Variants in ABCB9 observed in about 807,000 individuals in gnomAD.
ABCB9 encodes the protein ATP binding cassette subfamily B member 9.
In ABCB9, 36 loss-of-function variants were observed where a neutral mutation model predicts 62.0. The observed-to-expected ratio is 0.58, with a 90% CI of 0.45 to 0.77. ABCB9 has a LOEUF of 0.77. ABCB9 is among the 30% of genes least tolerant of loss of function. ABCB9 has a pLI of 0.00. For synonymous variants in ABCB9, 435 were observed against 461.4 expected, an observed-to-expected ratio of 0.94 and a Z score of 0.73; for missense variants, 943 against 1,054.7, an observed-to-expected ratio of 0.89 and a Z score of 1.47.
intron 1 of ABCB9, chr12:122,973,051 G>A (rs2037298319): frequency 6.6e-6 from 1 of 152,182 alleles, no homozygotes; most frequent in African/African-American, 2.4e-5. Context: ...ACCTTAAGCA[G>A]TCAACAAAGA....
chr12:122,960,996 C>T (rs1022540553), intron 1 of ABCB9, among the ~76,000 whole-genome samples: 4 of 151,506 alleles, frequency 2.6e-5, no homozygotes, highest in Admixed American at 6.6e-5. Context: ...CCTGGGAGTT[C>T]GAGGCCACAG....
At chr12:122,931,942 C>G in intron 11 of ABCB9, 1 of 624,410 alleles carries the variant, frequency 1.6e-6, no homozygotes, top group South Asian at 2.0e-5. Flanking sequence ...CCACTCATGA[C>G]CCAGGTCTCC....
In ABCB9 at chr12:122,948,768, G is replaced by A. The variant is rs757936005; in HGVS notation, c.909C>T (p.Asn303=). The stretch of plus-strand genomic sequence containing the variant: ...CTGTGTTCCGCAGGAAGACATTGAT[G>A]TTCTGGGAGACCAGGTCGCTGACCA... ...TTMVSDLVSQ[N]INVFLRNTVK... The change falls in exon 5 of 12, where the codon AAC becomes AAT. Residue 303 remains asparagine, a synonymous_variant. Transcript: ENST00000280560. 1.6e-5 allele frequency: 25 copies of A among 1,610,376 alleles called. No individual in the cohort carries two copies. The South Asian group carries it at 2.8e-4, about 18-fold the overall frequency.
At position 122,932,094 on chromosome 12, in the gene ABCB9, G is replaced by A. The variant is rs775413079; in HGVS notation, c.2040+98C>T. ...GGCTGATAGTCTGGGAGAGCTCCTG[G>A]GGCCCGTCTCTTCTCAGCATCCATC... is the stretch of plus-strand genomic sequence containing the variant. On this transcript the variant is annotated intron_variant, in intron 11 of 11. Transcript: ENST00000280560. The surrounding 1 kb of genome is among the most constrained non-coding windows in gnomAD (Gnocchi z 4.7). The A allele has an allele frequency of 6.5e-7, 1 of 1,540,662 alleles. No homozygotes were observed. Among genetic ancestry groups the A allele is most frequent in the South Asian group, 1.2e-5 (1 of 83,784 alleles).
At chr12:122,963,381 T>C (rs4275659) in intron 1 of ABCB9, among the ~76,000 whole-genome samples, 82,956 of 152,062 alleles carry the variant, frequency 0.55, 27,134 homozygotes, top group Non-Finnish European at 0.71. Context: ...CTGAGGCTAA[T>C]TGCTGGCAAT....
chr12:122,960,270 A>G lies in ABCB9; in HGVS notation c.-35T>C, dbSNP rs1344436369. 1.3e-6 allele frequency: 2 copies of G among 1,593,582 alleles called. No individual in the cohort carries two copies. Among genetic ancestry groups the G allele is most frequent in the African/African-American group, 1.3e-5 (1 of 74,698 alleles). On this transcript the variant is annotated 5_prime_UTR_variant, in exon 2 of 12. Transcript: ENST00000280560. Reference sequence around the variant, plus strand: ...TGGAGGTGGGCGGGTGCTGAAGGCCAGGTTGTAGCTCACGGGGGCAAGGCC... The same window carrying G: ...TGGAGGTGGGCGGGTGCTGAAGGCCGGGTTGTAGCTCACGGGGGCAAGGCC...
intron 1 of ABCB9, among the ~76,000 whole-genome samples, chr12:122,972,140 G>C (rs1424855607): frequency 1.4e-5 from 2 of 143,754 alleles, no homozygotes; most frequent in East Asian, 4.3e-4. Flanking sequence ...CGCTTCCCAG[G>C]TTTACGCCAT....
chr12:122,928,489 A>G (rs1225700630), downstream of ABCB9, among the ~76,000 whole-genome samples: 3 of 151,638 alleles, frequency 2.0e-5, no homozygotes, highest in Admixed American at 2.0e-4. Flanking sequence ...AAAAAAATTG[A>G]AATACTACTC....
chr12:122,940,962 C>T lies in ABCB9; in HGVS notation c.1414G>A (p.Gly472Arg), dbSNP rs767762112. ...AACACCTTCTCAGCAGCCCCCACTC[C>T]CTGCATCAGGCCACTGTAGACGGAG... Reference protein sequence around the residue: ...VGSVYSGLMQGVGAAEKVFEF... With the variant: ...VGSVYSGLMQRVGAAEKVFEF... The change falls in exon 8 of 12, where the codon GGA becomes AGA. Residue 472 changes from glycine (G) to arginine (R), a missense_variant. By Grantham distance (125) the Gly-to-Arg change is moderately radical. Coordinates refer to ENST00000280560, the MANE Select transcript of ABCB9 (RefSeq NM_019625.4). The surrounding 1 kb of genome is among the most constrained non-coding windows in gnomAD (Gnocchi z 4.8). 1.9e-6 allele frequency: 3 copies of T among 1,612,148 alleles called. No individual in the cohort carries two copies. The Admixed American group carries it at 5.0e-5, about 27-fold the overall frequency.
intron 1 of ABCB9, among the ~76,000 whole-genome samples, chr12:122,965,113 T>A (rs1470783930): frequency 6.6e-6 from 1 of 152,144 alleles, no homozygotes; most frequent in Admixed American, 6.5e-5. Flanking sequence ...CCCACTTCCC[T>A]GGGAGGACCC....
chr12:122,952,171 G>A (rs965619639), intron 2 of ABCB9: 1 of 152,456 alleles, frequency 6.6e-6, no homozygotes, highest in Non-Finnish European at 1.5e-5. Context: ...AGAACAGTAC[G>A]AAATCAGTTT....
In ABCB9 at chr12:122,946,144, C is replaced by T. The variant is rs1032696089; in HGVS notation, c.1132G>A (p.Val378Ile). The T allele has an allele frequency of 1.2e-6, 2 of 1,614,062 alleles. No homozygotes were observed. Among genetic ancestry groups the T allele is most frequent in the African/African-American group, 1.3e-5 (1 of 74,918 alleles). ...AEETISAMKT[V>I]RSFANEEEEA... ...TCCTCCTCATTGGCGAAGCTCCGGA[C>T]AGTCTTCATGGCACTGATGGTCTCC... Residue 378 changes from valine (V) to isoleucine (I), a missense_variant, in exon 6 of 12, where the codon GTC (valine) becomes ATC (isoleucine). By Grantham distance (29) the Val-to-Ile change is conservative. Coordinates refer to ENST00000280560, the MANE Select transcript of ABCB9 (RefSeq NM_019625.4).
downstream of ABCB9, among the ~76,000 whole-genome samples, chr12:122,920,074 T>C (rs1488929263): frequency 2.0e-5 from 3 of 151,908 alleles, no homozygotes; most frequent in Non-Finnish European, 4.4e-5. Context: ...AGAGATGAGT[T>C]TTCACCATGT....
At position 122,932,121 on chromosome 12, in the gene ABCB9, G is replaced by A. The variant is rs117929381; in HGVS notation, c.2040+71C>T. ...GCCCGTCTCTTCTCAGCATCCATCTGCTGGGCGATGGGGGCTCTGGCCACC... is the reference window on the plus strand; with the variant it reads ...GCCCGTCTCTTCTCAGCATCCATCTACTGGGCGATGGGGGCTCTGGCCACC... On this transcript the variant is annotated intron_variant, in intron 11 of 11. Coordinates refer to ENST00000280560, the MANE Select transcript of ABCB9 (RefSeq NM_019625.4). The surrounding 1 kb of genome is among the most constrained non-coding windows in gnomAD (Gnocchi z 4.7). The A allele has an allele frequency of 9.2e-3, 14,308 of 1,547,840 alleles. 86 individuals are homozygous for A. The highest frequency in any genetic ancestry group is 0.011 in the Non-Finnish European group (12,566 of 1,145,844).
At position 122,940,628 on chromosome 12, in the gene ABCB9, T is replaced by C. The variant is rs1771482593; in HGVS notation, c.1569+179A>G. Among the ~76,000 whole-genome samples, 2 of 152,134 alleles carry C rather than the reference T, an allele frequency of 1.3e-5. No homozygotes were observed. Among genetic ancestry groups the C allele is most frequent in the Admixed American group, 1.3e-4 (2 of 15,270 alleles). ...GATCTATTTTCTTTCTAGCACTTAT[T>C]ATCGGGAATCATTCTGTTAAGTATC... On this transcript the variant is annotated intron_variant, in intron 8 of 11. Transcript: ENST00000280560. This position sits in a 1 kb window ranked among gnomAD's most constrained non-coding sequence, Gnocchi z 4.8.
chr12:122,940,165 C>G lies in ABCB9; in HGVS notation c.1689G>C (p.Val563=). The G allele has an allele frequency of 6.2e-7, 1 of 1,613,542 alleles. No homozygotes were observed. Among genetic ancestry groups the G allele is most frequent in the East Asian group, 2.2e-5 (1 of 44,876 alleles). ...ENFYPLEGGR[V]LLDGKPISAY... ...CGCTGATGGGCTTGCCGTCCAGCAG[C>G]ACCCGGCCCCCCTCCAGGGGGTAGA... is the stretch of plus-strand genomic sequence containing the variant. Residue 563 remains valine (V), a synonymous_variant, in exon 9 of 12, where the codon GTG becomes GTC. Coordinates refer to ENST00000280560, the MANE Select transcript of ABCB9 (RefSeq NM_019625.4). This position sits in a 1 kb window ranked among gnomAD's most constrained non-coding sequence, Gnocchi z 4.8.
chr12:122,950,364 CCT>C lies in ABCB9; in HGVS notation c.716+85_716+86del, dbSNP rs779244785. ...GGGCATTTCCAGGGCCTCCCTGGCC[CCT>C]GTCTTCCTTAGGAACAGGCCCTCCC... On this transcript the variant is annotated intron_variant, in intron 3 of 11. Transcript: ENST00000280560. 2.4e-5 allele frequency: 31 copies of C among 1,307,770 alleles called. 1 individual carries two copies. The highest frequency in any genetic ancestry group is 2.0e-4 in the Admixed American group (9 of 45,328). 81.0% of individuals were successfully genotyped at this position (1,307,770 alleles called of 1,614,324 possible).
At chr12:122,945,952 C>T (rs924154195) in intron 6 of ABCB9, 73 bp downstream of exon 6, 1 of 1,483,168 alleles carries the variant, frequency 6.7e-7, no homozygotes, top group Non-Finnish European at 9.3e-7. Flanking sequence ...GACTGATGTC[C>T]TAGATCGAGG....
chr12:122,923,562 T>A (rs993564152), intron 11 of ABCB9, among the ~76,000 whole-genome samples: 2 of 152,180 alleles, frequency 1.3e-5, no homozygotes, highest in East Asian at 1.9e-4. Flanking sequence ...GTGCTGGGAT[T>A]ACAGACATGA....
Sources: allele counts gnomAD v4.1 joint callset (sites outside exome capture counted in the v4.1 genomes callset), GRCh38; gene constraint gnomAD v4.1.1; non-coding constraint Gnocchi (gnomAD v3.1); transcripts MANE v1.5; gene names NCBI Gene and HGNC (gene_info 2026-07-23, HGNC 2026-07-21).